CAMTA1: variants seen among roughly 807,000 people sequenced by gnomAD.
CAMTA1 encodes calmodulin binding transcription activator 1, also known as calmodulin-binding transcription activator 1.
Under a neutral mutation model 170.9 loss-of-function variants are expected in CAMTA1, and 27 were observed. The observed-to-expected ratio is 0.16, with a 90% CI of 0.12 to 0.22. The LOEUF (loss-of-function observed/expected upper bound fraction) is 0.22. Ranked by LOEUF, CAMTA1 falls within the 10% of genes least tolerant of loss-of-function variation. The probability of loss-of-function intolerance (pLI) is 1.00; values close to 1 mark genes in which losing one functional copy is unlikely to be tolerated. For synonymous variants in CAMTA1, 833 were observed against 891.5 expected (o/e 0.93, Z 1.17); for missense variants, 1,619 against 2,217.2 (o/e 0.73, Z 5.42).
intron 3 of CAMTA1, among the ~76,000 whole-genome samples, chr1:6,937,208 A>G (rs1000710396): frequency 2.7e-5 from 4 of 150,942 alleles, no homozygotes; most frequent in African/African-American, 9.8e-5. Flanking sequence ...ATCACTTATC[A>G]CCATCATCAT....
chr1:7,430,416 A>T (rs1406869586), intron 5 of CAMTA1, among the ~76,000 whole-genome samples: 1 of 151,726 alleles, frequency 6.6e-6, no homozygotes, highest in Non-Finnish European at 1.5e-5. Context: ...CATCAGGAGG[A>T]TGATGATGAT....
At chr1:7,134,417 C>T (rs1052858875) in intron 4 of CAMTA1, among the ~76,000 whole-genome samples, 1 of 152,140 alleles carries the variant, frequency 6.6e-6, no homozygotes, top group Admixed American at 6.6e-5. Flanking sequence ...CCTCAGCCTC[C>T]CAAGTAGCTG....
chr1:7,148,406 AAC>A (rs1646366845), intron 4 of CAMTA1, among the ~76,000 whole-genome samples: 1 of 140,336 alleles, frequency 7.1e-6, no homozygotes, highest in African/African-American at 2.7e-5. Context: ...ACATACCCCA[AAC>A]ACACGAATCC....
chr1:7,454,853 G>A (rs1416437376), intron 5 of CAMTA1, among the ~76,000 whole-genome samples: 2 of 152,208 alleles, frequency 1.3e-5, no homozygotes, highest in African/African-American at 2.4e-5. Context: ...TCCTCTGCCC[G>A]AGATCCCAGA....
chr1:7,445,644 A>T (rs2092661280), intron 5 of CAMTA1, among the ~76,000 whole-genome samples: 1 of 152,200 alleles, frequency 6.6e-6, no homozygotes, highest in Non-Finnish European at 1.5e-5. Context: ...CAGAGAGAAG[A>T]GGGGACACAG....
intron 5 of CAMTA1, among the ~76,000 whole-genome samples, chr1:7,252,718 C>T (rs1666815739): frequency 6.6e-6 from 1 of 152,216 alleles, no homozygotes; most frequent in African/African-American, 2.4e-5. Context: ...TTGGGGTGGA[C>T]AGTCCTGCAC....
chr1:7,592,119 G>A lies in CAMTA1; in HGVS notation c.511-48281G>A, dbSNP rs959139248. Among the ~76,000 whole-genome samples the A allele has an allele frequency of 1.1e-4, 16 of 152,088 alleles. No individual in the cohort carries two copies. In the South Asian group the frequency reaches 2.3e-3, roughly 22 times the overall value. ...TCATCATGTTGGCCAGGCTGGTCTC[G>A]AACTCCTGACCTCAGATGATCTGCC... On this transcript the variant is annotated intron_variant, in intron 6 of 22. Transcript: ENST00000303635. The surrounding 1 kb of genome is among the most constrained non-coding windows in gnomAD (Gnocchi z 4.6).
chr1:6,911,227 C>T (rs1341157397), intron 3 of CAMTA1, among the ~76,000 whole-genome samples: 1 of 152,140 alleles, frequency 6.6e-6, no homozygotes, highest in African/African-American at 2.4e-5. Context: ...GAGCTGGTGG[C>T]AAATGGCAGG....
At chr1:7,473,377 G>C (rs1164990621) in intron 6 of CAMTA1, among the ~76,000 whole-genome samples, 1 of 152,186 alleles carries the variant, frequency 6.6e-6, no homozygotes, top group Non-Finnish European at 1.5e-5. Context: ...CATGGCAGAG[G>C]GACCGGCAGT....
intron 4 of CAMTA1, among the ~76,000 whole-genome samples, chr1:7,203,871 G>T (rs192703464): frequency 6.9e-6 from 1 of 144,514 alleles, no homozygotes; most frequent in Non-Finnish European, 1.5e-5. Flanking sequence ...TCACTCTGTC[G>T]CCCAGGCTGG....
chr1:7,481,356 T>C (rs1329754378), intron 6 of CAMTA1, among the ~76,000 whole-genome samples: 1 of 152,212 alleles, frequency 6.6e-6, no homozygotes, highest in Non-Finnish European at 1.5e-5. Flanking sequence ...CATACTGGCT[T>C]CTTTCTCTCC....
At chr1:7,291,229 C>G (rs1328692865) in intron 5 of CAMTA1, among the ~76,000 whole-genome samples, 2 of 152,056 alleles carry the variant, frequency 1.3e-5, no homozygotes. Flanking sequence ...CGGGCAGAGA[C>G]AAAGGGGGTG....
chr1:7,465,962 C>G lies in CAMTA1; in HGVS notation c.439-1868C>G, dbSNP rs571712150. 3.3e-5 allele frequency among the ~76,000 whole-genome samples: 5 copies of G among 152,196 alleles called. No individual in the cohort carries two copies. In the South Asian group the frequency reaches 6.2e-4, roughly 19 times the overall value. ...TCTAGAGAGGAATAGAGTGGGGAAA[C>G]AGCAGATGGAAACCTCTTATTTCAA... On this transcript the variant is annotated intron_variant, in intron 5 of 22. Coordinates refer to ENST00000303635, the MANE Select transcript of CAMTA1 (RefSeq NM_015215.4).
intron 6 of CAMTA1, among the ~76,000 whole-genome samples, chr1:7,597,760 G>A (rs148082805): frequency 4.6e-5 from 7 of 152,178 alleles, no homozygotes; most frequent in African/African-American, 1.4e-4. Context: ...ATTGATTGAG[G>A]CCCACTGACA....
chr1:7,416,639 G>A (rs574811970), intron 5 of CAMTA1, among the ~76,000 whole-genome samples: 3 of 152,204 alleles, frequency 2.0e-5, no homozygotes, highest in African/African-American at 7.2e-5. Context: ...CTCTGCATTG[G>A]TTATTCTAGT....
At chr1:7,498,745 AGT>A (rs1184649021) in intron 6 of CAMTA1, among the ~76,000 whole-genome samples, 2 of 93,210 alleles carry the variant, frequency 2.1e-5, no homozygotes, top group African/African-American at 1.1e-4. Flanking sequence ...AGAGAGGATG[AGT>A]GTGCAGAGGA....
chr1:7,648,042 G>A (rs999958846), intron 7 of CAMTA1, among the ~76,000 whole-genome samples: 14 of 152,196 alleles, frequency 9.2e-5, no homozygotes, highest in Middle Eastern at 3.4e-3. Flanking sequence ...CTGAGATGGC[G>A]CCACTGCACT....
At chr1:7,345,704 A>T (rs1370671656) in intron 5 of CAMTA1, among the ~76,000 whole-genome samples, 2 of 152,176 alleles carry the variant, frequency 1.3e-5, no homozygotes, top group Admixed American at 6.5e-5. Context: ...TGGGAAGATT[A>T]TGCCCCAGTT....
chr1:7,617,168 C>T (rs1191963597), intron 6 of CAMTA1, among the ~76,000 whole-genome samples: 2 of 152,160 alleles, frequency 1.3e-5, no homozygotes, highest in East Asian at 1.9e-4. Flanking sequence ...TCCAGCCAAG[C>T]GGCTGCTGTG....
Sources: gnomAD v4.1 joint callset for allele counts (sites outside exome capture counted in the v4.1 genomes callset) on GRCh38, gnomAD v4.1.1 for gene constraint, Gnocchi (gnomAD v3.1) non-coding constraint, MANE v1.5 for transcripts, NCBI Gene and HGNC (gene_info 2026-07-23, HGNC 2026-07-21) for gene names.